The following KCNJ3 variants were observed in gnomAD, a reference collection of about 807,000 sequenced individuals.
The protein encoded by KCNJ3 is potassium inwardly rectifying channel subfamily J member 3.
A neutral mutation model predicts 39.2 loss-of-function variants in KCNJ3; 4 were observed. That is an observed-to-expected ratio of 0.10 (90% CI 0.05 to 0.23). The LOEUF is 0.23. Among genes scored for constraint, KCNJ3 ranks in the 10% least tolerant of loss-of-function variants. The probability of loss-of-function intolerance (pLI) is 1.00; values close to 1 mark genes in which losing one functional copy is unlikely to be tolerated. For missense variants in KCNJ3, 276 were observed against 634.9 expected (o/e 0.43, Z 6.08); for synonymous variants, 230 against 237.4 (o/e 0.97, Z 0.29).
intron 2 of KCNJ3, among the ~76,000 whole-genome samples, chr2:154,739,971 A>C (rs1344471816): frequency 6.6e-6 from 1 of 152,062 alleles, no homozygotes; most frequent in African/African-American, 2.4e-5. Flanking sequence ...AACGAGAAGC[A>C]GTGGGGTATA....
Position 154,822,831 on chromosome 2 carries a change from C to A in KCNJ3, c.920-31896C>A, listed in dbSNP as rs1449110236. Among the ~76,000 whole-genome samples the A allele has an allele frequency of 2.0e-5, 3 of 151,914 alleles. No individual in the cohort carries two copies. In the East Asian group the frequency reaches 5.8e-4, roughly 29 times the overall value. ...GAATAAAATAATCTGATATAGTAGA[C>A]AGAAATAATTTGTGGTACTATAATT... is the stretch of plus-strand genomic sequence containing the variant. On this transcript the variant is annotated intron_variant, in intron 2 of 2. Transcript: ENST00000295101.
In KCNJ3 at chr2:154,769,301, C is replaced by T. The variant is rs987350481; in HGVS notation, c.919+59482C>T. On this transcript the variant is annotated intron_variant, in intron 2 of 2. Transcript: ENST00000295101. ...GGAATGCTTCCAGTTTTTGCCCATT[C>T]AGTATGATATTGGCTGTGGGTTTGT... Among the ~76,000 whole-genome samples the T allele has an allele frequency of 1.5e-4, 23 of 152,242 alleles. No individual in the cohort carries two copies. The East Asian group carries it at 4.1e-3, about 27-fold the overall frequency.
At position 154,855,508 on chromosome 2, in the gene KCNJ3, A is replaced by G; in HGVS notation, c.*195A>G. ...TTACGGAGGGAGGACATCATAAGGA[A>G]GTTATTAACGGGCATGTATTATCAC... On this transcript the variant is annotated 3_prime_UTR_variant, in exon 3 of 3. Coordinates refer to ENST00000295101, the MANE Select transcript of KCNJ3 (RefSeq NM_002239.4). 1 of 522,044 alleles carries G rather than the reference A, an allele frequency of 1.9e-6. No homozygotes were observed. Among genetic ancestry groups the G allele is most frequent in the Non-Finnish European group, 3.4e-6 (1 of 295,944 alleles). 32.3% of individuals were successfully genotyped at this position (522,044 alleles called of 1,614,324 possible).
At chr2:154,839,012 C>T (rs948239113) in intron 2 of KCNJ3, among the ~76,000 whole-genome samples, 6 of 152,048 alleles carry the variant, frequency 3.9e-5, no homozygotes, top group African/African-American at 1.2e-4. Flanking sequence ...TTTGATACAT[C>T]GGTATACATG....
At chr2:154,825,656 G>A (rs536941504) in intron 2 of KCNJ3, among the ~76,000 whole-genome samples, 1 of 151,534 alleles carries the variant, frequency 6.6e-6, no homozygotes, top group South Asian at 2.1e-4. Flanking sequence ...GCTTACTGCA[G>A]CCTTGACCTC....
chr2:154,778,319 A>G (rs1353061738), intron 2 of KCNJ3, among the ~76,000 whole-genome samples: 1 of 152,174 alleles, frequency 6.6e-6, no homozygotes, highest in Non-Finnish European at 1.5e-5. Context: ...CATAGCTTAT[A>G]ATTTGTATGT....
At chr2:154,731,719 A>AC (rs1685451609) in intron 2 of KCNJ3, among the ~76,000 whole-genome samples, 1 of 151,660 alleles carries the variant, frequency 6.6e-6, no homozygotes, top group Non-Finnish European at 1.5e-5. Context: ...TCTGGAAAAA[A>AC]AAAGAGAGAC....
At chr2:154,756,303 C>T (rs961755198) in intron 2 of KCNJ3, among the ~76,000 whole-genome samples, 1 of 152,064 alleles carries the variant, frequency 6.6e-6, no homozygotes. Flanking sequence ...AAATACTTTA[C>T]ACTTGGTATT....
rs367729397 is a variant in KCNJ3, at chr2:154,834,168, A to G, written c.920-20559A>G. Among the ~76,000 whole-genome samples, 5 of 152,306 alleles carry G rather than the reference A, an allele frequency of 3.3e-5. No homozygotes were observed. In the East Asian group the frequency reaches 9.7e-4, roughly 29 times the overall value. ...TTTGCATTCCCATGAGCAATGAATGAGAGTTCTTGTGATTCCATAACCTTA... is the reference window on the plus strand; with the variant it reads ...TTTGCATTCCCATGAGCAATGAATGGGAGTTCTTGTGATTCCATAACCTTA... On this transcript the variant is annotated intron_variant, in intron 2 of 2. Coordinates refer to ENST00000295101, the MANE Select transcript of KCNJ3 (RefSeq NM_002239.4).
intron 2 of KCNJ3, among the ~76,000 whole-genome samples, chr2:154,727,613 G>A (rs1342050774): frequency 3.8e-4 from 44 of 117,104 alleles, no homozygotes; most frequent in African/African-American, 9.6e-4. Flanking sequence ...AAAAAAAAGA[G>A]AGAAAAAGAG....
At chr2:154,773,210 T>C (rs1443695452) in intron 2 of KCNJ3, among the ~76,000 whole-genome samples, 3 of 152,100 alleles carry the variant, frequency 2.0e-5, no homozygotes, top group Non-Finnish European at 4.4e-5. Flanking sequence ...GTCTCTGCTT[T>C]TAATGTGTAA....
At chr2:154,793,274 C>T (rs992339700) in intron 2 of KCNJ3, among the ~76,000 whole-genome samples, 5 of 151,902 alleles carry the variant, frequency 3.3e-5, no homozygotes, top group African/African-American at 7.2e-5. Flanking sequence ...CTTCTTTTCA[C>T]GACTTCTCTT....
intron 2 of KCNJ3, among the ~76,000 whole-genome samples, chr2:154,800,200 C>G (rs531772831): frequency 3.9e-5 from 6 of 152,350 alleles, no homozygotes; most frequent in Admixed American, 3.9e-4. Flanking sequence ...TTTGTGACCT[C>G]TTTGCCTCCA....
chr2:154,822,297 T>C (rs372663921), intron 2 of KCNJ3, among the ~76,000 whole-genome samples: 1 of 152,218 alleles, frequency 6.6e-6, no homozygotes, highest in Admixed American at 6.5e-5. Flanking sequence ...AAATCTACAG[T>C]ACTAAAATTC....
chr2:154,812,319 C>A (rs944470584), intron 2 of KCNJ3, among the ~76,000 whole-genome samples: 3 of 151,988 alleles, frequency 2.0e-5, no homozygotes, highest in Admixed American at 2.0e-4. Context: ...CTTATATAAT[C>A]AAGAAAATTT....
In KCNJ3 at chr2:154,699,604, TG is replaced by T. The variant is rs889372753; in HGVS notation, c.702+133del. 185 of 1,389,042 alleles carry T rather than the reference TG, an allele frequency of 1.3e-4. No homozygotes were observed. The highest frequency in any genetic ancestry group is 1.6e-4 in the Non-Finnish European group (165 of 1,053,650). 86.0% of individuals were successfully genotyped at this position (1,389,042 alleles called of 1,614,324 possible). ...CTATAGCCACAGGTAAACTTCCTTTTGGGGGGTTGGGGGTTGGAGGACTGGG... is the reference window on the plus strand; with the variant it reads ...CTATAGCCACAGGTAAACTTCCTTTTGGGGGTTGGGGGTTGGAGGACTGGG... On this transcript the variant is annotated intron_variant, in intron 1 of 2. Transcript: ENST00000295101. This position sits in a 1 kb window ranked among gnomAD's most constrained non-coding sequence, Gnocchi z 6.4.
rs544604198 is a variant in KCNJ3 at position 154,761,654 on chromosome 2, T to G, written c.919+51835T>G. 1.2e-4 allele frequency among the ~76,000 whole-genome samples: 18 copies of G among 152,368 alleles called. No individual in the cohort carries two copies. In the South Asian group the frequency reaches 3.5e-3, roughly 30 times the overall value. On this transcript the variant is annotated intron_variant, in intron 2 of 2. Transcript: ENST00000295101. ...GTTGAATGAGATAGATAGGATTTTT[T>G]GACTTTATTCCATTTTGTACTTTAA...
intron 2 of KCNJ3, among the ~76,000 whole-genome samples, chr2:154,802,169 G>C (rs1686831291): frequency 2.6e-5 from 4 of 151,152 alleles, no homozygotes; most frequent in Admixed American, 2.6e-4. Context: ...TTTTTTTTAG[G>C]TTTTTAAGGA....
chr2:154,807,124 A>G (rs1686926300), intron 2 of KCNJ3, among the ~76,000 whole-genome samples: 1 of 152,206 alleles, frequency 6.6e-6, no homozygotes, highest in African/African-American at 2.4e-5. Context: ...CAGAGTGCAC[A>G]GAAACATTCA....
Sources: allele counts gnomAD v4.1 joint callset (sites outside exome capture counted in the v4.1 genomes callset), GRCh38; gene constraint gnomAD v4.1.1; non-coding constraint Gnocchi (gnomAD v3.1); transcripts MANE v1.5; gene names NCBI Gene and HGNC (gene_info 2026-07-23, HGNC 2026-07-21).